The following HS3ST4 variants were observed in gnomAD, a reference collection of about 807,000 sequenced individuals.
The protein encoded by HS3ST4 is heparan sulfate glucosamine 3-O-sulfotransferase 4.
HS3ST4 carries 17 observed loss-of-function variants against 29.2 expected under a neutral mutation model. The observed-to-expected ratio is 0.58, with a 90% confidence interval of 0.40 to 0.87. The LOEUF is 0.87. HS3ST4 is among the 40% of genes least tolerant of loss of function. The pLI is 0.00. For missense variants in HS3ST4, 627 were observed against 634.5 expected, an observed-to-expected ratio of 0.99 and a Z score of 0.13; for synonymous variants, 314 against 285.7, an observed-to-expected ratio of 1.10 and a Z score of -1.00.
chr16:26,120,856 A>T (rs569426624), intron 1 of HS3ST4, among the ~76,000 whole-genome samples: 1 of 152,238 alleles, frequency 6.6e-6, no homozygotes, highest in Non-Finnish European at 1.5e-5. Context: ...TGGGCTAAAA[A>T]TGAAATGACC....
chr16:25,931,115 A>G (rs898831238), intron 1 of HS3ST4, among the ~76,000 whole-genome samples: 2 of 149,376 alleles, frequency 1.3e-5, no homozygotes, highest in Admixed American at 1.3e-4. Context: ...TCCCTTTAAA[A>G]AACCTCCACC....
At chr16:26,122,916 T>A (rs959467424) in intron 1 of HS3ST4, among the ~76,000 whole-genome samples, 2 of 151,888 alleles carry the variant, frequency 1.3e-5, no homozygotes, top group African/African-American at 4.8e-5. Context: ...CAGCTGGGCG[T>A]GGTGGCGGGC....
chr16:26,067,365 G>T (rs1898554811), intron 1 of HS3ST4, among the ~76,000 whole-genome samples: 2 of 151,962 alleles, frequency 1.3e-5, no homozygotes. Flanking sequence ...GTCATCCATT[G>T]CTCCCCTTCT....
chr16:26,018,830 T>C (rs557026870), intron 1 of HS3ST4, among the ~76,000 whole-genome samples: 1 of 142,300 alleles, frequency 7.0e-6, no homozygotes, highest in Non-Finnish European at 1.5e-5. Context: ...AGCCTCCTCA[T>C]GGAAAAAAAA....
intron 1 of HS3ST4, among the ~76,000 whole-genome samples, chr16:25,816,021 G>A (rs1967090009): frequency 6.6e-6 from 1 of 152,098 alleles, no homozygotes; most frequent in South Asian, 2.1e-4. Context: ...TAATTGGAAT[G>A]ATCTTATGTT....
rs9937919 is a variant in HS3ST4 at position 25,809,256 on chromosome 16, T to C, written c.734+116105T>C. Among the ~76,000 whole-genome samples, 361 of 152,306 alleles carry C rather than the reference T, an allele frequency of 2.4e-3. 3 individuals are homozygous for C. Among genetic ancestry groups the C allele is most frequent in the African/African-American group, 8.0e-3 (332 of 41,586 alleles). On this transcript the variant is annotated intron_variant, in intron 1 of 1. Transcript: ENST00000331351. The stretch of plus-strand genomic sequence containing the variant: ...TTGTGGATTATCTTTATTAGGAAGA[T>C]TTAGTTACACTCTATTCCTAACTTG...
At chr16:26,020,789 C>A (rs1354392826) in intron 1 of HS3ST4, among the ~76,000 whole-genome samples, 1 of 152,174 alleles carries the variant, frequency 6.6e-6, no homozygotes, top group Non-Finnish European at 1.5e-5. Context: ...TTTAGGTGAT[C>A]CGTGTGCAGG....
intron 1 of HS3ST4, among the ~76,000 whole-genome samples, chr16:26,129,840 A>T (rs1055541751): frequency 2.6e-5 from 4 of 152,170 alleles, no homozygotes; most frequent in African/African-American, 4.8e-5. Flanking sequence ...GCCTCAGAAC[A>T]TAGCATGGAG....
chr16:25,778,624 T>TTTA (rs1250670336), intron 1 of HS3ST4, among the ~76,000 whole-genome samples: 2 of 152,152 alleles, frequency 1.3e-5, no homozygotes, highest in Non-Finnish European at 2.9e-5. Flanking sequence ...CAGCTGACCC[T>TTTA]TTATAATATG....
intron 1 of HS3ST4, among the ~76,000 whole-genome samples, chr16:25,767,720 G>A (rs1023538844): frequency 2.6e-5 from 4 of 152,074 alleles, no homozygotes; most frequent in African/African-American, 7.2e-5. Flanking sequence ...CTCTGTGCTC[G>A]AGTACTCAGC....
chr16:25,916,905 TCCTGA>T (rs1364570345), intron 1 of HS3ST4, among the ~76,000 whole-genome samples: 2 of 151,924 alleles, frequency 1.3e-5, no homozygotes, highest in Non-Finnish European at 2.9e-5. Flanking sequence ...GGTCTCGATC[TCCTGA>T]CCTTGTGATC....
intron 1 of HS3ST4, among the ~76,000 whole-genome samples, chr16:25,914,580 CTG>C (rs1268873520): frequency 1.4e-5 from 2 of 142,220 alleles, no homozygotes; most frequent in Admixed American, 7.1e-5. Flanking sequence ...GATGTGGTGT[CTG>C]TGGGGAGTAT....
At chr16:26,072,875 G>A (rs1898617493) in intron 1 of HS3ST4, among the ~76,000 whole-genome samples, 2 of 152,206 alleles carry the variant, frequency 1.3e-5, no homozygotes, top group South Asian at 4.1e-4. Context: ...TGAGTTTGGT[G>A]ATTCTGACGA....
At position 25,774,628 on chromosome 16, in the gene HS3ST4, GATA is replaced by G. The variant is rs1302978024; in HGVS notation, c.734+81484_734+81486del. Among the ~76,000 whole-genome samples, 8 of 152,296 alleles carry G rather than the reference GATA, an allele frequency of 5.3e-5. No homozygotes were observed. The East Asian group carries it at 1.5e-3, about 29-fold the overall frequency. ...TCACTTTCCTTCTGCAAAAAGTGAG[GATA>G]ATAATAGCTTCTACCCCAACGTGTG... On this transcript the variant is annotated intron_variant, in intron 1 of 1. Coordinates refer to ENST00000331351, the MANE Select transcript of HS3ST4 (RefSeq NM_006040.3).
At chr16:26,062,827 T>C (rs1415051180) in intron 1 of HS3ST4, 5 of 295,756 alleles carry the variant, frequency 1.7e-5, no homozygotes, top group African/African-American at 8.9e-5. Context: ...CTTTGGTGCC[T>C]GCATATTCTG....
chr16:25,996,825 A>AT (rs1357392654), intron 1 of HS3ST4, among the ~76,000 whole-genome samples: 2 of 152,170 alleles, frequency 1.3e-5, no homozygotes, highest in Non-Finnish European at 2.9e-5. Flanking sequence ...CATTAATATA[A>AT]TTTTGATGCA....
intron 1 of HS3ST4, among the ~76,000 whole-genome samples, chr16:25,759,773 A>T (rs1363221195): frequency 1.3e-5 from 2 of 152,092 alleles, no homozygotes; most frequent in East Asian, 1.9e-4. Flanking sequence ...AAAAAAATTT[A>T]AAAAATTAAC....
At chr16:25,791,757 C>T (rs1966869723) in intron 1 of HS3ST4, among the ~76,000 whole-genome samples, 1 of 152,018 alleles carries the variant, frequency 6.6e-6, no homozygotes, top group South Asian at 2.1e-4. Context: ...TTCACTTTTA[C>T]TTTTAGTAAT....
chr16:25,966,378 C>G (rs959832205), intron 1 of HS3ST4, among the ~76,000 whole-genome samples: 1 of 152,160 alleles, frequency 6.6e-6, no homozygotes, highest in African/African-American at 2.4e-5. Flanking sequence ...AGAAACCATA[C>G]TCTGACTCCT....
Sources: gnomAD v4.1 joint callset for allele counts (sites outside exome capture counted in the v4.1 genomes callset) on GRCh38, gnomAD v4.1.1 for gene constraint, MANE v1.5 for transcripts, NCBI Gene and HGNC (gene_info 2026-07-23, HGNC 2026-07-21) for gene names.